MOV10L1: variants seen among roughly 807,000 people sequenced by gnomAD.
MOV10L1 encodes the protein Mov10 like RNA helicase 1, also known as RNA helicase Mov10l1.
In MOV10L1, 110 loss-of-function variants were observed where a neutral mutation model predicts 143.8. The ratio of observed to expected loss-of-function variants is 0.76; its 90% CI spans 0.66 to 0.90. MOV10L1 has a LOEUF of 0.90. MOV10L1 is among the 40% of genes least tolerant of loss of function. The pLI, the probability that MOV10L1 is intolerant of heterozygous loss-of-function variation, is 0.00. For synonymous variants in MOV10L1, 593 were observed against 581.1 expected, an observed-to-expected ratio of 1.02 and a Z score of -0.29; for missense variants, 1,406 against 1,526.8, an observed-to-expected ratio of 0.92 and a Z score of 1.32.
chr22:50,112,492 G>A (rs183683207), intron 5 of MOV10L1, among the ~76,000 whole-genome samples: 139 of 152,300 alleles, frequency 9.1e-4, no homozygotes, highest in Non-Finnish European at 1.8e-3. Flanking sequence ...CACTAGGGCC[G>A]CTAAGGAGAC....
intron 10 of MOV10L1, among the ~76,000 whole-genome samples, chr22:50,121,499 C>T (rs1340651366): frequency 6.6e-6 from 1 of 152,196 alleles, no homozygotes; most frequent in Non-Finnish European, 1.5e-5. Context: ...AAAACCCGGC[C>T]TGGGCAGTGC....
At position 50,160,824 on chromosome 22, in the gene MOV10L1, G is replaced by C; in HGVS notation, c.3461G>C (p.Arg1154Pro). The C allele has an allele frequency of 6.2e-7, 1 of 1,613,952 alleles. No individual in the cohort carries two copies. Among genetic ancestry groups the C allele is most frequent in the South Asian group, 1.1e-5 (1 of 91,042 alleles). ...IVLGNPHVLV[R>P]DPCFGALLEY... ...CTGGGAAACCCCCATGTTCTCGTTC[G>C]AGTGAGTTTTCAGGCACTGGGTGGG... The change falls in exon 25 of 27, where the codon CGA (arginine) becomes CCA (proline). Residue 1154 changes from arginine to proline, a missense_variant and splice_region_variant. Physicochemically the swap from Arg to Pro is moderately radical, Grantham distance 103. Transcript: ENST00000262794.
intron 3 of MOV10L1, among the ~76,000 whole-genome samples, chr22:50,100,599 C>T (rs940693420): frequency 2.4e-4 from 36 of 151,926 alleles, no homozygotes; most frequent in African/African-American, 6.5e-4. Flanking sequence ...CTGCAACCTC[C>T]GCCTCCTGGG....
At position 50,128,502 on chromosome 22, in the gene MOV10L1, T is replaced by A. The variant is rs764269586; in HGVS notation, c.1905T>A (p.Tyr635Ter). The change falls in exon 13 of 27, where the codon TAT (tyrosine) becomes TAA (stop). Residue 635 changes from tyrosine to a stop codon, truncating the protein, a stop_gained. Coordinates refer to ENST00000262794, the MANE Select transcript of MOV10L1 (RefSeq NM_018995.3). LOFTEE classifies it high-confidence loss of function. Reference sequence around the variant, plus strand: ...AACCTATGGATGTGGAATTTACATATAATAGGTAATGCTTTTAGTGAGTCT... The same window carrying A: ...AACCTATGGATGTGGAATTTACATAAAATAGGTAATGCTTTTAGTGAGTCT... ...NFEPMDVEFT[Y>*]NRTTSRRCHF... 7.1e-7 allele frequency: 1 copy of A among 1,412,564 alleles called. No homozygotes were observed. Among genetic ancestry groups the A allele is most frequent in the Non-Finnish European group, 9.9e-7 (1 of 1,010,176 alleles). 87.5% of individuals were successfully genotyped at this position (1,412,564 alleles called of 1,614,324 possible).
intron 8 of MOV10L1, 54 bp downstream of exon 8, chr22:50,115,300 C>T: frequency 1.4e-6 from 2 of 1,440,356 alleles, no homozygotes; most frequent in Non-Finnish European, 1.8e-6. Flanking sequence ...TCTGATACTT[C>T]TAGGTTGGGT....
intron 13 of MOV10L1, among the ~76,000 whole-genome samples, chr22:50,133,585 G>T (rs918575206): frequency 6.6e-6 from 1 of 151,746 alleles, no homozygotes; most frequent in African/African-American, 2.4e-5. Context: ...CTGTCACCCA[G>T]GCTGGAGTGC....
chr22:50,147,098 TG>T (rs1434602157), intron 19 of MOV10L1: 2 of 1,570,620 alleles, frequency 1.3e-6, no homozygotes, highest in African/African-American at 1.3e-5. Context: ...GAGGGCTCTT[TG>T]GGGGCAGAGC....
intron 22 of MOV10L1, among the ~76,000 whole-genome samples, chr22:50,157,465 G>A (rs1006402974): frequency 6.6e-6 from 1 of 152,044 alleles, no homozygotes; most frequent in Non-Finnish European, 1.5e-5. Flanking sequence ...ATGGATTTAG[G>A]TCTTGGGTTT....
At chr22:50,123,807 T>C (rs2062419840) in intron 10 of MOV10L1, among the ~76,000 whole-genome samples, 1 of 152,224 alleles carries the variant, frequency 6.6e-6, no homozygotes, top group Non-Finnish European at 1.5e-5. Flanking sequence ...TTTCAGAATA[T>C]TTATTACTGC....
chr22:50,152,170 C>G lies in MOV10L1; in HGVS notation c.2893-875C>G, dbSNP rs956494496. ...GCACTGCAGGAACACAGGTTTTCAC[C>G]AACAGGGGCTTTGTTAACTCATCCC... On this transcript the variant is annotated intron_variant, in intron 21 of 26. Coordinates refer to ENST00000262794, the MANE Select transcript of MOV10L1 (RefSeq NM_018995.3). This position sits in a 1 kb window ranked among gnomAD's most constrained non-coding sequence, Gnocchi z 4.4. 3.9e-5 allele frequency among the ~76,000 whole-genome samples: 6 copies of G among 152,206 alleles called. No homozygotes were observed. Among genetic ancestry groups the G allele is most frequent in the African/African-American group, 1.2e-4 (5 of 41,440 alleles).
At position 50,161,039 on chromosome 22, in the gene MOV10L1, C is replaced by G. The variant is rs756231416; in HGVS notation, c.3538C>G (p.Leu1180Val). ...CATGGGATGCGATTTACCTCCTGCA[C>G]TGCAGTCTCTGCAAAAGTGAGCGCT... ...VYMGCDLPPA[L>V]QSLQNCGEGV... Residue 1180 changes from leucine (L) to valine (V), a missense_variant, in exon 26 of 27, where the codon CTG (leucine) becomes GTG (valine). This residue lies in a region of MOV10L1 where 1,233 missense variants were observed against 1,351.4 expected (regional missense o/e 0.91). Coordinates refer to ENST00000262794, the MANE Select transcript of MOV10L1 (RefSeq NM_018995.3). 1 of 1,614,050 alleles carries G rather than the reference C, an allele frequency of 6.2e-7. No homozygotes were observed. Among genetic ancestry groups the G allele is most frequent in the Non-Finnish European group, 8.5e-7 (1 of 1,179,970 alleles).
chr22:50,143,755 A>G (rs968561222), intron 17 of MOV10L1, among the ~76,000 whole-genome samples: 25 of 152,256 alleles, frequency 1.6e-4, no homozygotes, highest in African/African-American at 4.8e-4. Flanking sequence ...TAAGCCGAAG[A>G]CCATCTACAT....
Position 50,120,619 on chromosome 22 carries a change from A to G in MOV10L1, c.1569+3A>G. 6.3e-7 allele frequency: 1 copy of G among 1,592,572 alleles called. No individual in the cohort carries two copies. The highest frequency in any genetic ancestry group is 8.6e-7 in the Non-Finnish European group (1 of 1,160,916). Reference sequence around the variant, plus strand: ...CTTTCCAGCCATTACTTGCAGAGGTAGGAAGTGTCTCATGGCCTGTGGGGT... The same window carrying G: ...CTTTCCAGCCATTACTTGCAGAGGTGGGAAGTGTCTCATGGCCTGTGGGGT... On this transcript the variant is annotated splice_donor_region_variant and intron_variant, in intron 10 of 26. Transcript: ENST00000262794.
chr22:50,154,863 A>T (rs977095129), intron 22 of MOV10L1, among the ~76,000 whole-genome samples: 3 of 152,116 alleles, frequency 2.0e-5, no homozygotes, highest in Non-Finnish European at 4.4e-5. Context: ...TAATATTAAC[A>T]TTGCCACTTT....
chr22:50,114,703 G>A (rs1028784509), intron 7 of MOV10L1, 81 bp downstream of exon 7: 2 of 1,563,066 alleles, frequency 1.3e-6, no homozygotes, highest in Non-Finnish European at 1.7e-6. Flanking sequence ...CAGAGGGCGG[G>A]CAGCAGGGGC....
At chr22:50,139,539 C>CT (rs2062922987) in intron 15 of MOV10L1, among the ~76,000 whole-genome samples, 1 of 150,614 alleles carries the variant, frequency 6.6e-6, no homozygotes, top group South Asian at 2.1e-4. Context: ...TAGAAAAACT[C>CT]TGTCTCAAAA....
chr22:50,153,673 G>A (rs912523651), intron 22 of MOV10L1, among the ~76,000 whole-genome samples: 1 of 152,216 alleles, frequency 6.6e-6, no homozygotes, highest in Non-Finnish European at 1.5e-5. Context: ...CGAGCCGTGC[G>A]CCTGGGGCCT....
chr22:50,097,284 T>C (rs573131905), intron 2 of MOV10L1, among the ~76,000 whole-genome samples: 3 of 152,096 alleles, frequency 2.0e-5, no homozygotes, highest in African/African-American at 7.2e-5. Flanking sequence ...AATTTTTGTA[T>C]TTTTTGTAGA....
intron 9 of MOV10L1, among the ~76,000 whole-genome samples, chr22:50,119,199 A>G (rs1270837743): frequency 6.6e-6 from 1 of 152,118 alleles, no homozygotes; most frequent in East Asian, 1.9e-4. Flanking sequence ...ATATTAACAT[A>G]TTGTGTGGGA....
Sources: gnomAD v4.1 joint callset for allele counts (sites outside exome capture counted in the v4.1 genomes callset) on GRCh38, gnomAD v4.1.1 for gene constraint, gnomAD v4.1.1 regional missense constraint, Gnocchi (gnomAD v3.1) non-coding constraint, MANE v1.5 for transcripts, NCBI Gene and HGNC (gene_info 2026-07-23, HGNC 2026-07-21) for gene names.